Variants in SFRP1 observed in about 807,000 individuals in gnomAD.
SFRP1 encodes the protein secreted frizzled related protein 1.
A neutral mutation model predicts 25.9 loss-of-function variants in SFRP1; 9 were observed. That is an observed-to-expected ratio of 0.35 (90% CI 0.21 to 0.61). The LOEUF is 0.61. SFRP1 is among the 20% of genes least tolerant of loss of function. The pLI is 0.78. For synonymous variants in SFRP1, 178 were observed against 174.0 expected, an observed-to-expected ratio of 1.02 and a Z score of -0.18; for missense variants, 346 against 418.2, an observed-to-expected ratio of 0.83 and a Z score of 1.51.
intron 2 of SFRP1, among the ~76,000 whole-genome samples, chr8:41,283,828 G>A (rs1803665431): frequency 6.6e-6 from 1 of 152,152 alleles, no homozygotes; most frequent in South Asian, 2.1e-4. Context: ...CTCCCAAAGT[G>A]CTGGGATTAC....
At chr8:41,299,375 G>A (rs974443627) in intron 2 of SFRP1, among the ~76,000 whole-genome samples, 9 of 151,660 alleles carry the variant, frequency 5.9e-5, no homozygotes, top group East Asian at 1.9e-4. Flanking sequence ...GATTCTGGAT[G>A]TTGGGGCTTC....
At chr8:41,291,748 C>G (rs913427856) in intron 2 of SFRP1, among the ~76,000 whole-genome samples, 6 of 152,184 alleles carry the variant, frequency 3.9e-5, no homozygotes, top group Non-Finnish European at 7.3e-5. Context: ...ACGCAGTCAG[C>G]CTTGACTGGG....
chr8:41,283,172 C>T (rs562793751), intron 2 of SFRP1, among the ~76,000 whole-genome samples: 55 of 152,270 alleles, frequency 3.6e-4, no homozygotes, highest in South Asian at 1.7e-3. Flanking sequence ...CAGTCATGTC[C>T]TTGTTTCTCC....
intron 2 of SFRP1, among the ~76,000 whole-genome samples, chr8:41,266,997 A>C (rs1803443947): frequency 1.3e-5 from 2 of 152,236 alleles, no homozygotes. Context: ...AGTATCAGTC[A>C]ATCGCTAATC....
chr8:41,266,498 C>T (rs183618738), intron 2 of SFRP1, among the ~76,000 whole-genome samples: 52 of 152,110 alleles, frequency 3.4e-4, no homozygotes, highest in African/African-American at 1.2e-3. Flanking sequence ...TGCAGTGTCT[C>T]GATCTCGGCT....
intron 2 of SFRP1, among the ~76,000 whole-genome samples, chr8:41,277,977 G>A (rs923793937): frequency 1.3e-5 from 2 of 152,182 alleles, no homozygotes; most frequent in Admixed American, 1.3e-4. Context: ...TCACACTTGA[G>A]AACCACTGGT....
At chr8:41,286,719 C>T (rs1803710394) in intron 2 of SFRP1, among the ~76,000 whole-genome samples, 1 of 152,186 alleles carries the variant, frequency 6.6e-6, no homozygotes, top group Admixed American at 6.5e-5. Context: ...GGTCCACACA[C>T]GAGGTCGGGG....
chr8:41,304,934 C>T (rs1563368146), intron 1 of SFRP1, among the ~76,000 whole-genome samples: 1 of 152,134 alleles, frequency 6.6e-6, no homozygotes, highest in Non-Finnish European at 1.5e-5. Context: ...ACGCTCCCAG[C>T]AGACGATGGC....
At chr8:41,293,127 C>T (rs1803798309) in intron 2 of SFRP1, among the ~76,000 whole-genome samples, 1 of 152,242 alleles carries the variant, frequency 6.6e-6, no homozygotes, top group African/African-American at 2.4e-5. Flanking sequence ...TGAACTCCTT[C>T]CCCTCACAGC....
intron 1 of SFRP1, chr8:41,307,026 T>G (rs1464733414): frequency 6.9e-7 from 1 of 1,441,204 alleles, no homozygotes; most frequent in African/African-American, 1.4e-5. Context: ...CGGAAGCCAT[T>G]GGGAATGGAC....
intron 2 of SFRP1, among the ~76,000 whole-genome samples, chr8:41,296,906 C>T (rs1316800367): frequency 3.3e-5 from 5 of 152,178 alleles, no homozygotes; most frequent in African/African-American, 9.7e-5. Flanking sequence ...TCCAGGTTTA[C>T]GTTGACATAA....
At chr8:41,299,316 C>T (rs1369275503) in intron 2 of SFRP1, among the ~76,000 whole-genome samples, 1 of 151,858 alleles carries the variant, frequency 6.6e-6, no homozygotes, top group African/African-American at 2.4e-5. Flanking sequence ...TCAATTCCAT[C>T]CCCAGAGTAA....
intron 2 of SFRP1, among the ~76,000 whole-genome samples, chr8:41,302,648 T>C (rs373512980): frequency 4.6e-5 from 7 of 152,174 alleles, no homozygotes; most frequent in African/African-American, 1.2e-4. Context: ...GAGAGGGAGC[T>C]GGCCCTCCAA....
At chr8:41,279,185 G>A (rs1803605379) in intron 2 of SFRP1, among the ~76,000 whole-genome samples, 1 of 152,062 alleles carries the variant, frequency 6.6e-6, no homozygotes, top group South Asian at 2.1e-4. Flanking sequence ...GACATCAGGG[G>A]GCTCAGCTAA....
chr8:41,287,437 G>A (rs1188519808), intron 2 of SFRP1, among the ~76,000 whole-genome samples: 3 of 152,348 alleles, frequency 2.0e-5, no homozygotes, highest in Middle Eastern at 6.8e-3. Context: ...CATGGAGAGT[G>A]GGTAAGAGCA....
At chr8:41,280,621 G>A (rs1024678857) in intron 2 of SFRP1, among the ~76,000 whole-genome samples, 4 of 152,242 alleles carry the variant, frequency 2.6e-5, no homozygotes, top group South Asian at 2.1e-4. Context: ...AAACCCATAC[G>A]ACCCCAACTC....
chr8:41,283,268 C>T (rs1470894767), intron 2 of SFRP1, among the ~76,000 whole-genome samples: 5 of 152,152 alleles, frequency 3.3e-5, no homozygotes, highest in African/African-American at 7.2e-5. Context: ...TCTCCTCCTC[C>T]GAGTCCCTTT....
At chr8:41,275,461 G>C (rs1473127185) in intron 2 of SFRP1, 2 of 211,988 alleles carry the variant, frequency 9.4e-6, no homozygotes, top group Non-Finnish European at 1.9e-5. Context: ...GAGATAACAA[G>C]AGAAGTAGAG....
rs978185021 is a variant in SFRP1 at position 41,262,447 on chromosome 8, A to T, written c.*2720T>A. 1 of 152,214 alleles carries T rather than the reference A, an allele frequency of 6.6e-6. No homozygotes were observed. Among genetic ancestry groups the T allele is most frequent in the Non-Finnish European group, 1.5e-5 (1 of 68,044 alleles). 9.4% of individuals were successfully genotyped at this position (152,214 alleles called of 1,614,324 possible). A position where few individuals can be genotyped will look rare whatever the true frequency, so the allele number is the denominator to read the frequency against. ...CAAACTGGAGCTCTGATTGAATTCTACCCTGGGGAGAACTTGATGCTAACC... is the reference window on the plus strand; with the variant it reads ...CAAACTGGAGCTCTGATTGAATTCTTCCCTGGGGAGAACTTGATGCTAACC... On this transcript the variant is annotated 3_prime_UTR_variant, in exon 3 of 3. Coordinates refer to ENST00000220772, the MANE Select transcript of SFRP1 (RefSeq NM_003012.5).
Sources: allele counts gnomAD v4.1 joint callset (sites outside exome capture counted in the v4.1 genomes callset), GRCh38; gene constraint gnomAD v4.1.1; transcripts MANE v1.5; gene names NCBI Gene and HGNC (gene_info 2026-07-23, HGNC 2026-07-21).